The following ITPR2 variants were observed in gnomAD, a reference collection of about 807,000 sequenced individuals.
The protein encoded by ITPR2 is inositol 1,4,5-trisphosphate-gated calcium channel ITPR2.
ITPR2 carries 207 observed loss-of-function variants against 317.1 expected under a neutral mutation model. The ratio of observed to expected loss-of-function variants is 0.65; its 90% CI spans 0.58 to 0.73. The LOEUF (loss-of-function observed/expected upper bound fraction) is 0.73, where lower values mean the gene tolerates loss of function less well. ITPR2 is among the 30% of genes least tolerant of loss of function. ITPR2 has a pLI of 0.00. For missense variants in ITPR2, 2,613 were observed against 3,284.0 expected, an observed-to-expected ratio of 0.80 and a Z score of 4.99; for synonymous variants, 1,156 against 1,149.1, an observed-to-expected ratio of 1.01 and a Z score of -0.12.
At position 26,733,696 on chromosome 12, in the gene ITPR2, A is replaced by G. The variant is rs576351088; in HGVS notation, c.164-7931T>C. On this transcript the variant is annotated intron_variant, in intron 2 of 56. Coordinates refer to ENST00000381340, the MANE Select transcript of ITPR2 (RefSeq NM_002223.4). ...AGGAAAAGTAAAATTCAAATGCATT[A>G]ATGCTAATTTGTATTCTTGTCAAGG... 5.3e-5 allele frequency among the ~76,000 whole-genome samples: 8 copies of G among 152,318 alleles called. No homozygotes were observed. In the East Asian group the frequency reaches 7.7e-4, roughly 15 times the overall value.
At chr12:26,561,996 A>C in intron 34 of ITPR2, 44 bp from the exon 35 acceptor site, 1 of 1,352,018 alleles carries the variant, frequency 7.4e-7, no homozygotes. Flanking sequence ...AATTTGACTA[A>C]AGTTTCTTAC....
intron 46 of ITPR2, among the ~76,000 whole-genome samples, chr12:26,442,198 G>A (rs376694897): frequency 3.0e-4 from 45 of 152,104 alleles, no homozygotes; most frequent in East Asian, 2.5e-3. Flanking sequence ...CCATCCTGAA[G>A]GAGAAACTCG....
intron 45 of ITPR2, among the ~76,000 whole-genome samples, chr12:26,461,205 T>C (rs931089570): frequency 6.6e-6 from 1 of 152,154 alleles, no homozygotes; most frequent in African/African-American, 2.4e-5. Flanking sequence ...TACACTCACA[T>C]ACAAAGTGAA....
At chr12:26,571,415 T>C (rs956973215) in intron 34 of ITPR2, among the ~76,000 whole-genome samples, 10 of 152,342 alleles carry the variant, frequency 6.6e-5, no homozygotes, top group Admixed American at 1.3e-4. Context: ...AGTATTCTTT[T>C]TCTATAAAGG....
chr12:26,799,457 CA>C (rs1404230796), intron 1 of ITPR2, among the ~76,000 whole-genome samples: 5 of 152,194 alleles, frequency 3.3e-5, no homozygotes, highest in Admixed American at 1.3e-4. Flanking sequence ...AAGAAGCCAT[CA>C]TCTTGTGAAG....
At chr12:26,699,728 A>G (rs565953589) in intron 9 of ITPR2, among the ~76,000 whole-genome samples, 13 of 152,292 alleles carry the variant, frequency 8.5e-5, no homozygotes, top group Admixed American at 2.6e-4. Context: ...AAATTTACCA[A>G]CGTTAACTAT....
intron 2 of ITPR2, among the ~76,000 whole-genome samples, chr12:26,765,003 G>C (rs1295056194): frequency 6.6e-6 from 1 of 151,934 alleles, no homozygotes; most frequent in African/African-American, 2.4e-5. Context: ...AACTCAACTG[G>C]AATGAAGACA....
intron 55 of ITPR2, among the ~76,000 whole-genome samples, chr12:26,363,553 A>G (rs73079155): frequency 2.0e-5 from 3 of 152,330 alleles, no homozygotes; most frequent in Non-Finnish European, 2.9e-5. Context: ...ATAATGAGAA[A>G]GCAAAACTAG....
At chr12:26,753,777 A>G (rs1483660504) in intron 2 of ITPR2, among the ~76,000 whole-genome samples, 1 of 152,220 alleles carries the variant, frequency 6.6e-6, no homozygotes, top group African/African-American at 2.4e-5. Context: ...CAGGCTTTGG[A>G]CACCTATAAG....
chr12:26,634,360 A>T (rs1946818741), intron 21 of ITPR2, among the ~76,000 whole-genome samples: 2 of 152,222 alleles, frequency 1.3e-5, no homozygotes, highest in African/African-American at 4.8e-5. Flanking sequence ...AATCCTCAAC[A>T]TTGCAAAAAA....
chr12:26,530,712 G>T (rs967354063), intron 37 of ITPR2, among the ~76,000 whole-genome samples: 2 of 152,124 alleles, frequency 1.3e-5, no homozygotes, highest in Non-Finnish European at 2.9e-5. Context: ...TGGGTAGAAA[G>T]GCCATGTTTA....
At chr12:26,549,730 A>G (rs1944479086) in intron 37 of ITPR2, among the ~76,000 whole-genome samples, 1 of 152,076 alleles carries the variant, frequency 6.6e-6, no homozygotes, top group South Asian at 2.1e-4. Flanking sequence ...TTCCCTGAAA[A>G]TCACTTGTGA....
At chr12:26,739,108 T>C (rs916424146) in intron 2 of ITPR2, among the ~76,000 whole-genome samples, 1 of 152,196 alleles carries the variant, frequency 6.6e-6, no homozygotes, top group African/African-American at 2.4e-5. Context: ...CATAATTAGA[T>C]ACCACTACAA....
intron 13 of ITPR2, among the ~76,000 whole-genome samples, chr12:26,674,726 C>T (rs972815797): frequency 3.2e-4 from 48 of 152,118 alleles, no homozygotes; most frequent in African/African-American, 1.1e-3. Flanking sequence ...AGCTTCTGCA[C>T]AACAAAAGAA....
intron 34 of ITPR2, among the ~76,000 whole-genome samples, chr12:26,570,813 G>A (rs894026740): frequency 6.6e-6 from 1 of 152,046 alleles, no homozygotes; most frequent in Non-Finnish European, 1.5e-5. Flanking sequence ...AATCAACTGA[G>A]GAACAGCAAT....
chr12:26,809,343 T>C (rs765281386), intron 1 of ITPR2, among the ~76,000 whole-genome samples: 1 of 152,202 alleles, frequency 6.6e-6, no homozygotes, highest in Non-Finnish European at 1.5e-5. Context: ...TCCTTTTCAA[T>C]GCAAAACAAC....
At chr12:26,643,405 G>T (rs767523499) in intron 21 of ITPR2, among the ~76,000 whole-genome samples, 3 of 152,190 alleles carry the variant, frequency 2.0e-5, no homozygotes, top group Non-Finnish European at 4.4e-5. Context: ...GAGTTTTCAT[G>T]TGCATCCAAG....
intron 35 of ITPR2, among the ~76,000 whole-genome samples, chr12:26,556,687 G>T (rs564411787): frequency 6.6e-6 from 1 of 150,572 alleles, no homozygotes; most frequent in African/African-American, 2.4e-5. Context: ...CACTGTATGT[G>T]CCCTGCAGTG....
At chr12:26,784,623 C>T (rs11048682) in intron 2 of ITPR2, among the ~76,000 whole-genome samples, 1 of 151,626 alleles carries the variant, frequency 6.6e-6, no homozygotes, top group Non-Finnish European at 1.5e-5. Flanking sequence ...GGATTGCAGA[C>T]GGAGTCTTGT....
Sources: gnomAD v4.1 joint callset for allele counts (sites outside exome capture counted in the v4.1 genomes callset) on GRCh38, gnomAD v4.1.1 for gene constraint, MANE v1.5 for transcripts, NCBI Gene and HGNC (gene_info 2026-07-23, HGNC 2026-07-21) for gene names.